Variants in TRIM36 observed in about 807,000 individuals in gnomAD.
TRIM36 encodes tripartite motif containing 36.
Under a neutral mutation model 72.4 loss-of-function variants are expected in TRIM36, and 42 were observed. The ratio of observed to expected loss-of-function variants is 0.58; its 90% CI spans 0.45 to 0.75. The LOEUF (loss-of-function observed/expected upper bound fraction) is 0.75, where lower values mean the gene tolerates loss of function less well. Among genes scored for constraint, TRIM36 ranks in the 30% least tolerant of loss-of-function variants. The pLI, the probability that TRIM36 is intolerant of heterozygous loss-of-function variation, is 0.00. For missense variants in TRIM36, 913 were observed against 857.1 expected (o/e 1.07, Z -0.81); for synonymous variants, 315 against 282.8 (o/e 1.11, Z -1.14).
chr5:115,154,894 A>G (rs1754090932), intron 2 of TRIM36, among the ~76,000 whole-genome samples: 1 of 152,002 alleles, frequency 6.6e-6, no homozygotes, highest in Non-Finnish European at 1.5e-5. Flanking sequence ...AAAACTACAG[A>G]CCAGGCTGGG....
At chr5:115,163,858 A>G in intron 1 of TRIM36, 106 bp from the exon 2 acceptor site, 1 of 962,264 alleles carries the variant, frequency 1.0e-6, no homozygotes, top group Non-Finnish European at 1.5e-6. Flanking sequence ...AAAAGAATTA[A>G]GAAAATGATT....
chr5:115,143,125 G>A (rs1580661779), intron 4 of TRIM36, among the ~76,000 whole-genome samples: 2 of 144,644 alleles, frequency 1.4e-5, no homozygotes, highest in East Asian at 4.2e-4. Flanking sequence ...TGAGGAAACT[G>A]TCCAAGCCCA....
intron 5 of TRIM36, 35 bp downstream of exon 5, chr5:115,141,244 A>G (rs756903069): frequency 2.8e-6 from 4 of 1,408,870 alleles, no homozygotes; most frequent in Non-Finnish European, 3.9e-6. Flanking sequence ...TAAAATAACA[A>G]TAATTTAAAA....
intron 4 of TRIM36, among the ~76,000 whole-genome samples, chr5:115,144,037 A>ATT (rs371373270): frequency 0.45 from 67,905 of 149,556 alleles, 15,674 homozygotes; most frequent in East Asian, 0.7. Context: ...TGCCCAGCTA[A>ATT]TTTTTTTTTT....
At chr5:115,171,397 GGAAGGCTTCCTTCC>G (rs1755111653), upstream of TRIM36, among the ~76,000 whole-genome samples, 1 of 152,204 alleles carries the variant, frequency 6.6e-6, no homozygotes, top group African/African-American at 2.4e-5. Context: ...GCTAGACTTG[GGAAGGCTTCCTTCC>G]CACAGGTTCT....
chr5:115,140,318 T>C (rs1451052220), intron 5 of TRIM36, among the ~76,000 whole-genome samples: 2 of 152,162 alleles, frequency 1.3e-5, no homozygotes, highest in Non-Finnish European at 2.9e-5. Flanking sequence ...AAAACAAGTG[T>C]ACAACAAAGT....
upstream of TRIM36, chr5:115,170,032 G>GT (rs1273675879): frequency 4.0e-6 from 4 of 997,326 alleles, no homozygotes; most frequent in Non-Finnish European, 4.8e-6. Flanking sequence ...CCTGGGGCTG[G>GT]TAGGCCGGGT....
rs762154744 is a variant in TRIM36 at position 115,141,366 on chromosome 5, A to G, written c.744T>C (p.Leu248=). 6.3e-7 allele frequency: 1 copy of G among 1,586,674 alleles called. No homozygotes were observed. ...CAATAAGGTAATCAATATCCTTTGAAAGCTTTTCCTGTTGAAACATATTCG... is the reference window on the plus strand; with the variant it reads ...CAATAAGGTAATCAATATCCTTTGAGAGCTTTTCCTGTTGAAACATATTCG... ...SSAYKTLKEK[L]SKDIDYLIGK... The change falls in exon 5 of 10, where the codon CTT becomes CTC. Residue 248 remains leucine, a synonymous_variant. Coordinates refer to ENST00000513154, the MANE Select transcript of TRIM36 (RefSeq NM_001300759.2).
At chr5:115,129,133 C>T (rs1044793715) in intron 9 of TRIM36, among the ~76,000 whole-genome samples, 4 of 152,202 alleles carry the variant, frequency 2.6e-5, no homozygotes. Flanking sequence ...GACTGTTCCA[C>T]ATACCCTAAG....
upstream of TRIM36, chr5:115,171,041 A>G: frequency 1.2e-6 from 2 of 1,609,934 alleles, no homozygotes. Context: ...TTAGGCTTTA[A>G]GAACAGATGC....
rs1002642941 is a variant in TRIM36 at position 115,124,994 on chromosome 5, A to C, written c.*1509T>G. The C allele has an allele frequency of 2.6e-5, 4 of 152,488 alleles. No individual in the cohort carries two copies. The highest frequency in any genetic ancestry group is 4.4e-5 in the Non-Finnish European group (3 of 67,946). The allele number at this position is 152,488 out of a possible 1,614,324, so 9.4% of individuals were successfully genotyped here. ...ATTTGCTTAGTTTAGCCTACATCAT[A>C]AAGTGCTATTCATAGATGGGAAATT... On this transcript the variant is annotated 3_prime_UTR_variant, in exon 10 of 10. Coordinates refer to ENST00000513154, the MANE Select transcript of TRIM36 (RefSeq NM_001300759.2).
Position 115,139,752 on chromosome 5 carries a change from T to C in TRIM36, c.831+1527A>G, listed in dbSNP as rs372560727. ...TTATCTAGCGTAAAAAAAATTCTTA[T>C]TGATAAGGCTACAGATACAACTTAG... On this transcript the variant is annotated intron_variant, in intron 5 of 9. Transcript: ENST00000513154. Among the ~76,000 whole-genome samples the C allele has an allele frequency of 6.6e-5, 10 of 152,366 alleles. No homozygotes were observed. In the East Asian group the frequency reaches 1.7e-3, roughly 26 times the overall value.
At chr5:115,145,032 T>C (rs1403025351) in intron 3 of TRIM36, among the ~76,000 whole-genome samples, 1 of 152,302 alleles carries the variant, frequency 6.6e-6, no homozygotes, top group East Asian at 1.9e-4. Flanking sequence ...TCTCCAAAAC[T>C]TGTTAAGTTA....
At chr5:115,141,211 G>C in intron 5 of TRIM36, 68 bp downstream of exon 5, 1 of 1,172,302 alleles carries the variant, frequency 8.5e-7, no homozygotes. Flanking sequence ...AGGATTTTAT[G>C]AACAAATGAA....
chr5:115,176,516 C>CT (rs3840345), intron 1 of TRIM36, among the ~76,000 whole-genome samples: 64,557 of 151,996 alleles, frequency 0.42, 15,632 homozygotes, highest in African/African-American at 0.67. Flanking sequence ...AACCATTATG[C>CT]TCTTAGATGT....
At chr5:115,179,815 T>G (rs1204034249) in intron 1 of TRIM36, among the ~76,000 whole-genome samples, 10 of 152,228 alleles carry the variant, frequency 6.6e-5, no homozygotes, top group Admixed American at 6.5e-4. Context: ...CTACTTTGCA[T>G]TCCGCAGCTG....
At chr5:115,134,246 T>G in intron 7 of TRIM36, 99 bp from the exon 8 acceptor site, 1 of 1,065,716 alleles carries the variant, frequency 9.4e-7, no homozygotes. Context: ...ATTTAATGAT[T>G]TCTATACTAA....
intron 1 of TRIM36, chr5:115,179,835 C>T: frequency 1.3e-6 from 1 of 758,650 alleles, no homozygotes; most frequent in Non-Finnish European, 2.2e-6. Flanking sequence ...GCTGGGACGC[C>T]CGGGCTGCGA....
rs764268253 is a variant in TRIM36 at position 115,147,365 on chromosome 5, T to C, written c.292A>G (p.Thr98Ala). 6.2e-6 allele frequency: 10 copies of C among 1,612,606 alleles called. No homozygotes were observed. In the African/African-American group the frequency reaches 9.3e-5, roughly 15 times the overall value. ...GWKRNSLTPR[T>A]TVFPCPGCEH... ...CAGCCAGGGCAAGGGAAAACAGTTG[T>C]CCTCGGGGTCAATGAATTGCGCTTC... The change falls in exon 3 of 10, where the codon ACA (threonine) becomes GCA (alanine). Residue 98 changes from threonine (T) to alanine (A), a missense_variant. Coordinates refer to ENST00000513154, the MANE Select transcript of TRIM36 (RefSeq NM_001300759.2).
Sources: allele counts gnomAD v4.1 joint callset (sites outside exome capture counted in the v4.1 genomes callset), GRCh38; gene constraint gnomAD v4.1.1; transcripts MANE v1.5; gene names NCBI Gene and HGNC (gene_info 2026-07-23, HGNC 2026-07-21).